CERK: variants seen among roughly 807,000 people sequenced by gnomAD.
The protein encoded by CERK is ceramide kinase.
Under a neutral mutation model 63.4 loss-of-function variants are expected in CERK, and 39 were observed. The observed-to-expected ratio is 0.61, with a 90% confidence interval of 0.48 to 0.80. The LOEUF (loss-of-function observed/expected upper bound fraction) is 0.80, where lower values mean the gene tolerates loss of function less well. Ranked by LOEUF, CERK falls within the 30% of genes least tolerant of loss-of-function variation. The probability of loss-of-function intolerance (pLI) is 0.00; values close to 1 mark genes in which losing one functional copy is unlikely to be tolerated. For synonymous variants in CERK, 302 were observed against 280.0 expected (o/e 1.08, Z -0.78); for missense variants, 670 against 714.1 (o/e 0.94, Z 0.70).
At chr22:46,721,676 C>T (rs5769111) in intron 1 of CERK, among the ~76,000 whole-genome samples, 38,643 of 151,936 alleles carry the variant, frequency 0.25, 5,788 homozygotes, top group African/African-American at 0.41. Context: ...CAGGACAGTG[C>T]CTGGTTCAGA....
intron 4 of CERK, among the ~76,000 whole-genome samples, chr22:46,711,594 T>G (rs1395932179): frequency 6.6e-6 from 1 of 152,234 alleles, no homozygotes; most frequent in African/African-American, 2.4e-5. Flanking sequence ...TGAGATTATT[T>G]CTAAGACTTA....
At chr22:46,717,930 A>T (rs1308031301) in intron 3 of CERK, among the ~76,000 whole-genome samples, 1 of 152,122 alleles carries the variant, frequency 6.6e-6, no homozygotes, top group Non-Finnish European at 1.5e-5. Context: ...CAAATACAAA[A>T]ATTAGCCAGG....
intron 9 of CERK, among the ~76,000 whole-genome samples, chr22:46,694,944 C>T (rs966372093): frequency 6.6e-6 from 1 of 152,234 alleles, no homozygotes; most frequent in African/African-American, 2.4e-5. Context: ...TCAGCCCCCA[C>T]TCCAACAGTG....
intron 8 of CERK, among the ~76,000 whole-genome samples, chr22:46,697,995 C>T (rs1030299722): frequency 1.3e-5 from 2 of 152,194 alleles, no homozygotes; most frequent in Admixed American, 1.3e-4. Context: ...GCAGCAGCCC[C>T]GGGAGCCTGG....
Position 46,712,155 on chromosome 22 carries a change from T to C in CERK, c.505+13A>G, listed in dbSNP as rs761202072. On this transcript the variant is annotated intron_variant, in intron 4 of 12. Coordinates refer to ENST00000216264, the MANE Select transcript of CERK (RefSeq NM_022766.6). ...CAAACTTACTTCTACATAGTTAACA[T>C]AGAATTTGTTACCGATGATGTCAGT... 43 of 1,613,600 alleles carry C rather than the reference T, an allele frequency of 2.7e-5. No homozygotes were observed. In the South Asian group the frequency reaches 4.4e-4, roughly 16 times the overall value.
rs2082856035 is a variant in CERK at position 46,714,063 on chromosome 22, GTGT to G, written c.380-1773_380-1771del. Among the ~76,000 whole-genome samples, 1 of 152,184 alleles carries G rather than the reference GTGT, an allele frequency of 6.6e-6. No homozygotes were observed. The highest frequency in any genetic ancestry group is 2.1e-4 in the South Asian group (1 of 4,832). On this transcript the variant is annotated intron_variant, in intron 3 of 12. Transcript: ENST00000216264. The surrounding 1 kb of genome is among the most constrained non-coding windows in gnomAD (Gnocchi z 4.4). ...AGGTGGGCAGATCACTTGAGGTCAGGTGTTTGAAACCAGCCTGGGCAACATGGT... is the reference window on the plus strand; with the variant it reads ...AGGTGGGCAGATCACTTGAGGTCAGGTTGAAACCAGCCTGGGCAACATGGT...
intron 3 of CERK, among the ~76,000 whole-genome samples, chr22:46,713,508 CAAAAA>C (rs34168827): frequency 2.7e-5 from 2 of 74,306 alleles, no homozygotes; most frequent in African/African-American, 5.0e-5. Context: ...GACTTCATCT[CAAAAA>C]AAAAAAAAAA....
At chr22:46,718,195 A>G (rs1050372583) in intron 3 of CERK, among the ~76,000 whole-genome samples, 8 of 152,204 alleles carry the variant, frequency 5.3e-5, no homozygotes, top group African/African-American at 1.7e-4. Flanking sequence ...CAAGGAGACT[A>G]TATCAAATGC....
chr22:46,732,461 A>G (rs1346937648), intron 1 of CERK, among the ~76,000 whole-genome samples: 1 of 152,190 alleles, frequency 6.6e-6, no homozygotes, highest in Non-Finnish European at 1.5e-5. Flanking sequence ...AGTAAAACAC[A>G]TTAGGAGTTT....
chr22:46,730,814 C>T (rs1569331337), intron 1 of CERK, among the ~76,000 whole-genome samples: 1 of 152,236 alleles, frequency 6.6e-6, no homozygotes, highest in Non-Finnish European at 1.5e-5. Flanking sequence ...TTTCCTTTGC[C>T]TCGTCTATCT....
At chr22:46,708,717 T>G (rs1461832034) in intron 5 of CERK, among the ~76,000 whole-genome samples, 2 of 152,120 alleles carry the variant, frequency 1.3e-5, no homozygotes, top group Non-Finnish European at 2.9e-5. Context: ...GAATGAGAGG[T>G]GCAGGCATGG....
At chr22:46,733,821 C>T (rs2082958204) in intron 1 of CERK, among the ~76,000 whole-genome samples, 1 of 151,576 alleles carries the variant, frequency 6.6e-6, no homozygotes, top group South Asian at 2.1e-4. Context: ...GCAGGCAGAT[C>T]ATCTGAGGTC....
In CERK at chr22:46,686,014, A is replaced by G. The variant is rs978129334; in HGVS notation, c.*1120T>C. The G allele has an allele frequency of 2.0e-5, 3 of 152,222 alleles. No individual in the cohort carries two copies. Among genetic ancestry groups the G allele is most frequent in the Non-Finnish European group, 4.4e-5 (3 of 68,036 alleles). The allele number at this position is 152,222 out of a possible 1,614,324, so 9.4% of individuals were successfully genotyped here. On this transcript the variant is annotated 3_prime_UTR_variant, in exon 13 of 13. Transcript: ENST00000216264. Reference sequence around the variant, plus strand: ...TACACACTAAACAAGGACGTAGTACACAATTGAGGGGTGCCCCGGGGAGCG... The same window carrying G: ...TACACACTAAACAAGGACGTAGTACGCAATTGAGGGGTGCCCCGGGGAGCG...
At chr22:46,722,079 G>A (rs1269167932) in intron 1 of CERK, among the ~76,000 whole-genome samples, 1 of 152,196 alleles carries the variant, frequency 6.6e-6, no homozygotes, top group African/African-American at 2.4e-5. Flanking sequence ...GCTTATTCTG[G>A]AATTACTGTT....
At chr22:46,690,340 T>C in intron 11 of CERK, 140 bp from the exon 12 acceptor site, 1 of 622,700 alleles carries the variant, frequency 1.6e-6, no homozygotes, top group South Asian at 2.0e-5. Flanking sequence ...CGACTGCTTG[T>C]GCAGGCCCCT....
chr22:46,694,081 C>G (rs2082744452), intron 9 of CERK, among the ~76,000 whole-genome samples: 1 of 152,052 alleles, frequency 6.6e-6, no homozygotes, highest in African/African-American at 2.4e-5. Flanking sequence ...GCATCTGCCT[C>G]TACATATTCT....
chr22:46,732,743 T>C (rs534154307), intron 1 of CERK, among the ~76,000 whole-genome samples: 26 of 152,296 alleles, frequency 1.7e-4, no homozygotes, highest in Non-Finnish European at 3.7e-4. Flanking sequence ...CATCCCTTGC[T>C]GGTTGAGAGC....
intron 3 of CERK, among the ~76,000 whole-genome samples, chr22:46,713,485 G>A (rs2082852167): frequency 6.8e-6 from 1 of 147,746 alleles, no homozygotes; most frequent in African/African-American, 2.5e-5. Context: ...TTCCAGCCTG[G>A]GCGACAGAGT....
intron 4 of CERK, among the ~76,000 whole-genome samples, 182 bp from the exon 5 acceptor site, chr22:46,711,331 C>A (rs1009183938): frequency 6.6e-6 from 1 of 152,172 alleles, no homozygotes; most frequent in African/African-American, 2.4e-5. Flanking sequence ...CCTCAGGGAA[C>A]GTGAACATGA....
Sources: gnomAD v4.1 joint callset for allele counts (sites outside exome capture counted in the v4.1 genomes callset) on GRCh38, gnomAD v4.1.1 for gene constraint, Gnocchi (gnomAD v3.1) non-coding constraint, MANE v1.5 for transcripts, NCBI Gene and HGNC (gene_info 2026-07-23, HGNC 2026-07-21) for gene names.